The following ZSCAN5C variants were observed in gnomAD, a reference collection of about 807,000 sequenced individuals.
ZSCAN5C encodes zinc finger and SCAN domain-containing protein 5C.
In ZSCAN5C, 11 loss-of-function variants were observed where a neutral mutation model predicts 17.3. The observed-to-expected ratio is 0.64, with a 90% CI of 0.40 to 1.06. The LOEUF (loss-of-function observed/expected upper bound fraction) is 1.06. Among genes scored for constraint, ZSCAN5C ranks in the 50% least tolerant of loss-of-function variants. ZSCAN5C has a pLI of 0.00. For synonymous variants in ZSCAN5C, 229 were observed against 208.4 expected (o/e 1.10, Z -0.85); for missense variants, 698 against 538.9 (o/e 1.30, Z -2.92).
At chr19:56,208,894 G>T in exon 5 of ZSCAN5C, 1 of 1,606,526 alleles carries the variant, frequency 6.2e-7, no homozygotes, top group Non-Finnish European at 8.5e-7. Context: ...GCTTCATGCA[G>T]CGCATAGGCC....
chr19:56,209,355 C>T (rs896125114), downstream of ZSCAN5C: 36 of 494,840 alleles, frequency 7.3e-5, no homozygotes, highest in African/African-American at 3.9e-5. Context: ...TCTTTTTCCT[C>T]CCCGGGGGAA....
chr19:56,202,353 T>G (rs555571160), intron 1 of ZSCAN5C, 31 bp downstream of exon 1: 1 of 152,084 alleles, frequency 6.6e-6, no homozygotes, highest in East Asian at 1.9e-4. Flanking sequence ...TCTGTGGGGT[T>G]TTGGAGTTGG....
chr19:56,204,170 C>A (rs551264703), intron 1 of ZSCAN5C, among the ~76,000 whole-genome samples: 1 of 151,718 alleles, frequency 6.6e-6, no homozygotes, highest in South Asian at 2.1e-4. Context: ...CTCCCTCTAT[C>A]CCTCCAGAGT....
intron 4 of ZSCAN5C, 35 bp from the exon 5 acceptor site, chr19:56,208,414 C>T (rs757600542): frequency 6.5e-6 from 8 of 1,230,424 alleles, no homozygotes; most frequent in African/African-American, 4.6e-5. Flanking sequence ...GAAAATGCAC[C>T]TTATTAACTG....
At chr19:56,205,987 C>T in exon 2 of ZSCAN5C, 1 of 1,581,930 alleles carries the variant, frequency 6.3e-7, no homozygotes, top group Non-Finnish European at 8.7e-7. Context: ...CCACCACAGT[C>T]CATGCCATCC....
downstream of ZSCAN5C, chr19:56,209,207 C>G: frequency 1.4e-6 from 1 of 731,816 alleles, no homozygotes; most frequent in Non-Finnish European, 2.4e-6. Flanking sequence ...GTGACTTCAC[C>G]ATCGGGTCTG....
Position 56,207,122 on chromosome 19 carries a change from GC to G in ZSCAN5C, c.453del (p.Ala152ProfsTer18). ...GGAATCAGATGTGGAGATGGCTGAA[GC>G]CCCCGCCAGTGTCAGAGATGATCCG... is the stretch of plus-strand genomic sequence containing the variant. On this transcript the variant is annotated frameshift_variant, in exon 3 of 5. Transcript: ENST00000534327. LOFTEE classifies it high-confidence loss of function. The G allele has an allele frequency of 2.6e-6, 2 of 755,554 alleles. No homozygotes were observed. 46.8% of individuals were successfully genotyped at this position (755,554 alleles called of 1,614,324 possible). A position where few individuals can be genotyped will look rare whatever the true frequency, so the allele number is the denominator to read the frequency against.
downstream of ZSCAN5C, chr19:56,209,380 T>A: frequency 7.7e-6 from 4 of 518,912 alleles, no homozygotes; most frequent in South Asian, 1.4e-4. Flanking sequence ...GGTTTTTGTT[T>A]CATTATTTCT....
At chr19:56,206,234 C>T (rs377594685) in exon 2 of ZSCAN5C, 45 of 1,570,520 alleles carry the variant, frequency 2.9e-5, no homozygotes, top group South Asian at 5.8e-5. Flanking sequence ...TCATGATGAA[C>T]GGTGTGCAGA....
chr19:56,207,033 T>A (rs906789363), intron 2 of ZSCAN5C, 26 bp from the exon 3 acceptor site: 1 of 701,288 alleles, frequency 1.4e-6, no homozygotes. Flanking sequence ...TCATAGTTAG[T>A]CTGATTGCTT....
In ZSCAN5C at chr19:56,208,856, C is replaced by G. The variant is rs750379825; in HGVS notation, c.1147C>G (p.Leu383Val). Residue 383 changes from leucine to valine, a missense_variant, in exon 5 of 5, where the codon CTC becomes GTC. Physicochemically the swap from Leu to Val is conservative, Grantham distance 32. Coordinates refer to ENST00000534327, the Ensembl canonical transcript of ZSCAN5C. ...CACGAGATCACACACAGGCGAGAGA[C>G]TCTTTCAGTGTAATCTCTGCGGGAA... 2.5e-6 allele frequency: 4 copies of G among 1,568,776 alleles called. No homozygotes were observed. In the South Asian group the frequency reaches 4.4e-5, roughly 17 times the overall value.
At chr19:56,207,635 G>C (rs1002521137) in intron 3 of ZSCAN5C, among the ~76,000 whole-genome samples, 1 of 151,868 alleles carries the variant, frequency 6.6e-6, no homozygotes, top group Non-Finnish European at 1.5e-5. Flanking sequence ...TTAATTTGAG[G>C]AGTGTTTCTC....
At chr19:56,202,714 T>G (rs938154584) in intron 1 of ZSCAN5C, among the ~76,000 whole-genome samples, 4 of 151,944 alleles carry the variant, frequency 2.6e-5, no homozygotes, top group Non-Finnish European at 5.9e-5. Context: ...CCACCATGCC[T>G]GAATAAATGT....
chr19:56,207,215 C>G (rs758893298), exon 3 of ZSCAN5C: 4 of 778,944 alleles, frequency 5.1e-6, no homozygotes, highest in Admixed American at 3.4e-5. Context: ...CCAGGCCAGC[C>G]AAGAGCTGCA....
chr19:56,202,698 C>A (rs183240555), intron 1 of ZSCAN5C, among the ~76,000 whole-genome samples: 15 of 152,086 alleles, frequency 9.9e-5, no homozygotes, highest in Admixed American at 9.8e-4. Flanking sequence ...GAACTACAGG[C>A]ACTTGCCACC....
At chr19:56,204,660 T>G (rs934066098) in intron 1 of ZSCAN5C, among the ~76,000 whole-genome samples, 1 of 151,914 alleles carries the variant, frequency 6.6e-6, no homozygotes, top group Non-Finnish European at 1.5e-5. Context: ...CTCCCGCCTC[T>G]GCCGATTGTC....
chr19:56,208,296 T>G, intron 4 of ZSCAN5C, 112 bp downstream of exon 4: 1 of 675,774 alleles, frequency 1.5e-6, no homozygotes, highest in South Asian at 1.8e-5. Flanking sequence ...TGCCAAAGCC[T>G]CTCCATCCCT....
chr19:56,206,086 C>T, exon 2 of ZSCAN5C: 1 of 1,610,950 alleles, frequency 6.2e-7, no homozygotes, highest in Non-Finnish European at 8.5e-7. Context: ...GAGTCGGACC[C>T]CATCCAGGCT....
intron 1 of ZSCAN5C, among the ~76,000 whole-genome samples, chr19:56,205,058 G>A (rs1262066393): frequency 7.1e-6 from 1 of 140,630 alleles, no homozygotes; most frequent in East Asian, 2.4e-4. Context: ...GTAGATTAGT[G>A]ATTGCCAGGG....
Sources: allele counts gnomAD v4.1 joint callset (sites outside exome capture counted in the v4.1 genomes callset), GRCh38; gene constraint gnomAD v4.1.1; transcripts MANE v1.5; gene names NCBI Gene and HGNC (gene_info 2026-07-23, HGNC 2026-07-21).